FAM13A: variants seen among roughly 807,000 people sequenced by gnomAD.
FAM13A encodes the protein family with sequence similarity 13 member A.
In FAM13A, 76 loss-of-function variants were observed where a neutral mutation model predicts 129.6. The observed-to-expected ratio is 0.59, with a 90% CI of 0.49 to 0.71. The LOEUF is 0.71. Among genes scored for constraint, FAM13A ranks in the 30% least tolerant of loss-of-function variants. The pLI, the probability that FAM13A is intolerant of heterozygous loss-of-function variation, is 0.00. For missense variants in FAM13A, 1,108 were observed against 1,249.3 expected (o/e 0.89, Z 1.70); for synonymous variants, 443 against 449.9 (o/e 0.98, Z 0.20).
intron 1 of FAM13A, among the ~76,000 whole-genome samples, chr4:89,047,049 T>G (rs1770945489): frequency 6.6e-6 from 1 of 152,088 alleles, no homozygotes; most frequent in Non-Finnish European, 1.5e-5. Flanking sequence ...CATAGGTCAT[T>G]CTCTCTCCAA....
intron 4 of FAM13A, among the ~76,000 whole-genome samples, chr4:88,941,757 C>G (rs1754795060): frequency 6.6e-6 from 1 of 152,134 alleles, no homozygotes; most frequent in Admixed American, 6.5e-5. Flanking sequence ...GCTCTGCTCT[C>G]TTTTGTAATT....
At chr4:89,050,268 G>C (rs1469648908) in intron 1 of FAM13A, among the ~76,000 whole-genome samples, 3 of 151,968 alleles carry the variant, frequency 2.0e-5, no homozygotes, top group Non-Finnish European at 4.4e-5. Flanking sequence ...CTGGAGTGCA[G>C]TGGTATGATC....
At chr4:88,813,403 T>G (rs1401963294) in intron 7 of FAM13A, among the ~76,000 whole-genome samples, 3 of 152,134 alleles carry the variant, frequency 2.0e-5, no homozygotes, top group African/African-American at 7.2e-5. Context: ...GTAACGTTCT[T>G]TGGGGGGATG....
At chr4:88,880,797 G>GGGC (rs1743427213) in intron 6 of FAM13A, among the ~76,000 whole-genome samples, 3 of 84,028 alleles carry the variant, frequency 3.6e-5, no homozygotes, top group African/African-American at 4.5e-5. Flanking sequence ...GGGGGGGGGG[G>GGGC]CACAGTGGGA....
At chr4:88,821,910 A>G (rs1330125524) in intron 7 of FAM13A, among the ~76,000 whole-genome samples, 1 of 152,208 alleles carries the variant, frequency 6.6e-6, no homozygotes, top group Non-Finnish European at 1.5e-5. Context: ...ATCTCACTGT[A>G]AGTATCTGTA....
chr4:88,803,242 A>G (rs1038825978), intron 8 of FAM13A, among the ~76,000 whole-genome samples: 24 of 152,208 alleles, frequency 1.6e-4, no homozygotes, highest in African/African-American at 5.5e-4. Flanking sequence ...TCTCCATCAT[A>G]TGAAAAGAAT....
At chr4:88,857,440 C>T (rs906074949) in intron 6 of FAM13A, among the ~76,000 whole-genome samples, 2 of 151,794 alleles carry the variant, frequency 1.3e-5, no homozygotes, top group African/African-American at 4.8e-5. Flanking sequence ...CCAGCCTGGC[C>T]AACATGGTGA....
chr4:89,031,905 C>T (rs746784524), intron 1 of FAM13A, among the ~76,000 whole-genome samples: 1 of 152,006 alleles, frequency 6.6e-6, no homozygotes, highest in East Asian at 1.9e-4. Flanking sequence ...CTTAGAAATT[C>T]TGTCTATATT....
At chr4:88,860,243 T>C (rs560659024) in intron 6 of FAM13A, among the ~76,000 whole-genome samples, 4 of 152,340 alleles carry the variant, frequency 2.6e-5, no homozygotes, top group African/African-American at 9.6e-5. Context: ...TAAAATATTA[T>C]CTCACTCTTC....
At chr4:89,022,185 T>C (rs1379482732) in intron 2 of FAM13A, among the ~76,000 whole-genome samples, 1 of 152,200 alleles carries the variant, frequency 6.6e-6, no homozygotes, top group Non-Finnish European at 1.5e-5. Flanking sequence ...CTGGTAATTG[T>C]ATTGCTCTTT....
intron 4 of FAM13A, among the ~76,000 whole-genome samples, chr4:88,985,907 G>GA (rs1762179852): frequency 6.8e-6 from 1 of 147,906 alleles, no homozygotes; most frequent in Non-Finnish European, 1.5e-5. Context: ...GCAAAGTGAA[G>GA]AACAGTGTAA....
chr4:88,842,865 T>A (rs1182665278), intron 7 of FAM13A, among the ~76,000 whole-genome samples: 2 of 152,188 alleles, frequency 1.3e-5, no homozygotes, highest in African/African-American at 4.8e-5. Flanking sequence ...ATTCAAGTAG[T>A]CATAGCAATT....
intron 4 of FAM13A, among the ~76,000 whole-genome samples, chr4:88,950,233 G>C (rs1320821400): frequency 6.7e-6 from 1 of 150,290 alleles, no homozygotes; most frequent in Non-Finnish European, 1.5e-5. Flanking sequence ...TAAGAGACAA[G>C]GTCTTGTTAT....
chr4:88,921,846 A>G (rs964612031), intron 5 of FAM13A, among the ~76,000 whole-genome samples: 2 of 152,088 alleles, frequency 1.3e-5, no homozygotes, highest in Non-Finnish European at 2.9e-5. Context: ...AAATAAAAGG[A>G]TGGAGGAAGA....
At chr4:88,989,322 C>T (rs1055151759) in intron 4 of FAM13A, among the ~76,000 whole-genome samples, 2 of 151,838 alleles carry the variant, frequency 1.3e-5, no homozygotes, top group Admixed American at 1.3e-4. Flanking sequence ...CCTGAGTTGG[C>T]CAGGCACAGT....
At chr4:88,842,598 C>G (rs555074587) in intron 7 of FAM13A, among the ~76,000 whole-genome samples, 1 of 152,228 alleles carries the variant, frequency 6.6e-6, no homozygotes, top group South Asian at 2.1e-4. Context: ...TCTGGCCCCT[C>G]AGGGCCCAGC....
At chr4:88,787,720 C>T (rs1423008106) in intron 10 of FAM13A, 33 bp downstream of exon 10, 1 of 1,600,428 alleles carries the variant, frequency 6.2e-7, no homozygotes, top group East Asian at 2.2e-5. Flanking sequence ...AAAGAGAAAA[C>T]TCAAGTAAGA....
At chr4:88,827,804 C>G (rs549145952) in intron 7 of FAM13A, among the ~76,000 whole-genome samples, 1 of 152,188 alleles carries the variant, frequency 6.6e-6, no homozygotes, top group Non-Finnish European at 1.5e-5. Context: ...TAGTCAACAT[C>G]CTACCATGCT....
intron 1 of FAM13A, among the ~76,000 whole-genome samples, chr4:89,044,694 G>A (rs1052371421): frequency 6.6e-6 from 1 of 152,026 alleles, no homozygotes; most frequent in Non-Finnish European, 1.5e-5. Flanking sequence ...CAGATGAAAG[G>A]ATAAATACAA....
Sources: allele counts gnomAD v4.1 joint callset (sites outside exome capture counted in the v4.1 genomes callset), GRCh38; gene constraint gnomAD v4.1.1; transcripts MANE v1.5; gene names NCBI Gene and HGNC (gene_info 2026-07-23, HGNC 2026-07-21).